CCDC102B: variants seen among roughly 807,000 people sequenced by gnomAD.
CCDC102B encodes coiled-coil domain-containing protein 102B.
A neutral mutation model predicts 57.4 loss-of-function variants in CCDC102B; 75 were observed. The ratio of observed to expected loss-of-function variants is 1.31; its 90% CI spans 1.08 to 1.58. The LOEUF is 1.58. Among genes scored for constraint, CCDC102B ranks in the 40% most tolerant of loss-of-function variants. The probability of loss-of-function intolerance (pLI) is 0.00; values close to 1 mark genes in which losing one functional copy is unlikely to be tolerated. For missense variants in CCDC102B, 636 were observed against 582.6 expected, an observed-to-expected ratio of 1.09 and a Z score of -0.94; for synonymous variants, 206 against 201.9, an observed-to-expected ratio of 1.02 and a Z score of -0.17.
At chr18:68,793,192 T>C (rs983724326), upstream of CCDC102B, among the ~76,000 whole-genome samples, 1 of 152,162 alleles carries the variant, frequency 6.6e-6, no homozygotes, top group African/African-American at 2.4e-5. Flanking sequence ...AAAACCAAAA[T>C]TGGCTTCCTT....
intron 2 of CCDC102B, among the ~76,000 whole-genome samples, chr18:68,783,067 C>T (rs1039787894): frequency 6.6e-6 from 1 of 152,068 alleles, no homozygotes; most frequent in Non-Finnish European, 1.5e-5. Context: ...TTACTGGCCT[C>T]GTTTTGCAGG....
intron 6 of CCDC102B, among the ~76,000 whole-genome samples, chr18:68,936,806 T>TATACACAC (rs2049253441): frequency 6.7e-6 from 1 of 150,202 alleles, no homozygotes; most frequent in Non-Finnish European, 1.5e-5. Flanking sequence ...CATATATACA[T>TATACACAC]ATATACACAC....
intron 2 of CCDC102B, among the ~76,000 whole-genome samples, chr18:68,727,902 A>G (rs2032672071): frequency 6.6e-6 from 1 of 152,198 alleles, no homozygotes; most frequent in African/African-American, 2.4e-5. Context: ...ATGGACTTTC[A>G]ATTTGGTCTA....
chr18:68,829,823 C>T (rs891712944), intron 1 of CCDC102B, among the ~76,000 whole-genome samples: 1 of 151,822 alleles, frequency 6.6e-6, no homozygotes, highest in Admixed American at 6.6e-5. Flanking sequence ...GGCTTTGTTT[C>T]CTGAAACCTT....
intron 2 of CCDC102B, among the ~76,000 whole-genome samples, chr18:68,730,541 T>C (rs2032810697): frequency 6.6e-6 from 1 of 152,226 alleles, no homozygotes; most frequent in Non-Finnish European, 1.5e-5. Flanking sequence ...GTAATACTTC[T>C]GTCTGCTGAT....
Position 68,748,214 on chromosome 18 carries a change from G to T in CCDC102B, c.-67+31620G>T, listed in dbSNP as rs371484134. On this transcript the variant is annotated intron_variant, in intron 2 of 3. Transcript: ENST00000578970. ...TGTCCATTATTAAACTGGTGTGTGT[G>T]TGTGTGTGTGTGTGTGTGTGTGTGT... Among the ~76,000 whole-genome samples, 3 of 48,784 alleles carry T rather than the reference G, an allele frequency of 6.1e-5. No individual in the cohort carries two copies. In the South Asian group the frequency reaches 1.5e-3, roughly 24 times the overall value. The allele number at this position is 48,784 out of a possible 152,430, so 32.0% of individuals were successfully genotyped here.
intron 6 of CCDC102B, among the ~76,000 whole-genome samples, chr18:68,991,510 C>A (rs2145325425): frequency 6.6e-6 from 1 of 152,232 alleles, no homozygotes; most frequent in East Asian, 1.9e-4. Context: ...AATGCATTTC[C>A]CACTGAGTAT....
At chr18:68,812,778 A>T (rs59458963) in intron 1 of CCDC102B, among the ~76,000 whole-genome samples, 3,823 of 152,294 alleles carry the variant, frequency 0.025, 155 homozygotes, top group African/African-American at 0.086. Context: ...TGTTGGAAGA[A>T]ACATTCCTTC....
intron 4 of CCDC102B, among the ~76,000 whole-genome samples, chr18:68,867,600 G>A (rs1466281524): frequency 1.3e-5 from 2 of 152,078 alleles, no homozygotes; most frequent in Admixed American, 1.3e-4. Context: ...GAGAGAGGAG[G>A]TGTGGAAGGG....
At chr18:69,006,392 GATTTATTTATTTATTTATTTATTTATTT>G (rs71931343) in intron 6 of CCDC102B, among the ~76,000 whole-genome samples, 5,152 of 141,928 alleles carry the variant, frequency 0.036, 137 homozygotes, top group East Asian at 0.16. Context: ...ATAGCTTTGA[GATTTATTTATTTATTTATTTATTTATTT>G]ATTTATTTAT....
At chr18:68,857,507 G>T in intron 4 of CCDC102B, among the ~76,000 whole-genome samples, 1 of 145,016 alleles carries the variant, frequency 6.9e-6, no homozygotes, top group Non-Finnish European at 1.5e-5. Flanking sequence ...ATACATTTTT[G>T]CTTTCTTTCC....
intron 6 of CCDC102B, among the ~76,000 whole-genome samples, chr18:68,997,565 T>G (rs775182162): frequency 6.6e-6 from 1 of 152,172 alleles, no homozygotes; most frequent in Non-Finnish European, 1.5e-5. Context: ...CAGCTTGATA[T>G]GGAATTCCGG....
At chr18:68,973,627 G>T (rs995982) in intron 6 of CCDC102B, among the ~76,000 whole-genome samples, 2 of 152,022 alleles carry the variant, frequency 1.3e-5, no homozygotes, top group African/African-American at 4.8e-5. Context: ...AATGCTAGTT[G>T]TCAAAAATGT....
At chr18:68,728,706 C>T (rs1222737519) in intron 2 of CCDC102B, among the ~76,000 whole-genome samples, 1 of 151,740 alleles carries the variant, frequency 6.6e-6, no homozygotes, top group East Asian at 1.9e-4. Flanking sequence ...CCAGGATACA[C>T]AATAAGGATC....
intron 4 of CCDC102B, among the ~76,000 whole-genome samples, chr18:68,856,844 A>G (rs2038408584): frequency 6.7e-6 from 1 of 150,370 alleles, no homozygotes; most frequent in African/African-American, 2.4e-5. Context: ...TTATGGATGA[A>G]AATAAAGAAC....
intron 6 of CCDC102B, among the ~76,000 whole-genome samples, chr18:68,958,509 G>C (rs550322917): frequency 6.6e-6 from 1 of 152,000 alleles, no homozygotes; most frequent in Admixed American, 6.6e-5. Flanking sequence ...TAGTATTATG[G>C]TGAAGAATTT....
At chr18:68,999,741 T>C (rs2051149755) in intron 6 of CCDC102B, among the ~76,000 whole-genome samples, 1 of 152,220 alleles carries the variant, frequency 6.6e-6, no homozygotes, top group African/African-American at 2.4e-5. Flanking sequence ...TATGCCCCTA[T>C]TCTACTTATC....
At chr18:69,005,346 AAATCG>A (rs1220995010) in intron 6 of CCDC102B, among the ~76,000 whole-genome samples, 9 of 152,218 alleles carry the variant, frequency 5.9e-5, no homozygotes, top group Non-Finnish European at 1.2e-4. Context: ...GTTATATGGT[AAATCG>A]TATGTTACAT....
intron 7 of CCDC102B, among the ~76,000 whole-genome samples, chr18:69,040,232 C>T (rs1324414222): frequency 6.6e-6 from 1 of 151,890 alleles, no homozygotes; most frequent in Non-Finnish European, 1.5e-5. Context: ...TGGCATTATC[C>T]ATTTCATTAT....
Sources: gnomAD v4.1 joint callset for allele counts (sites outside exome capture counted in the v4.1 genomes callset) on GRCh38, gnomAD v4.1.1 for gene constraint, MANE v1.5 for transcripts, NCBI Gene and HGNC (gene_info 2026-07-23, HGNC 2026-07-21) for gene names.